Variants in CCDC88A observed in about 807,000 individuals in gnomAD.
CCDC88A encodes girdin.
In CCDC88A, 54 loss-of-function variants were observed where a neutral mutation model predicts 234.3. That is an observed-to-expected ratio of 0.23 (90% CI 0.19 to 0.29). CCDC88A has a LOEUF of 0.29. CCDC88A is among the 10% of genes least tolerant of loss of function. CCDC88A has a pLI of 1.00. For synonymous variants in CCDC88A, 753 were observed against 737.8 expected (o/e 1.02, Z -0.33); for missense variants, 1,832 against 2,123.4 (o/e 0.86, Z 2.70).
In CCDC88A at chr2:55,370,131, A is replaced by G. The variant is rs563624921; in HGVS notation, c.402+2321T>C. On this transcript the variant is annotated intron_variant, in intron 5 of 32. Coordinates refer to ENST00000436346, the MANE Select transcript of CCDC88A (RefSeq NM_001365480.1). ...GTCTTAAGGGCTCTCAAGTAAAAGC[A>G]TAATTCTGCTATGACTACATGGACA... Among the ~76,000 whole-genome samples the G allele has an allele frequency of 3.3e-5, 5 of 152,336 alleles. No individual in the cohort carries two copies. In the South Asian group the frequency reaches 8.3e-4, roughly 25 times the overall value.
chr2:55,415,044 G>A (rs1681125491), intron 2 of CCDC88A, among the ~76,000 whole-genome samples: 1 of 146,084 alleles, frequency 6.8e-6, no homozygotes, highest in Non-Finnish European at 1.5e-5. Context: ...TCCCGCCTGG[G>A]CATGGAGCGA....
At chr2:55,367,525 C>CTTTTTTTTTTTTTTTTT (rs1262914627) in intron 5 of CCDC88A, among the ~76,000 whole-genome samples, 9 of 33,606 alleles carry the variant, frequency 2.7e-4, no homozygotes, top group South Asian at 1.6e-3. Flanking sequence ...GTTTTATTTC[C>CTTTTTTTTTTTTTTTTT]TTGTTTTTTT....
intron 2 of CCDC88A, among the ~76,000 whole-genome samples, chr2:55,397,752 G>C (rs1333045458): frequency 1.3e-5 from 2 of 152,064 alleles, no homozygotes; most frequent in Non-Finnish European, 2.9e-5. Flanking sequence ...ATGATATCTT[G>C]AAATGTATTC....
chr2:55,393,748 T>C (rs1320899662), intron 2 of CCDC88A, among the ~76,000 whole-genome samples: 1 of 152,180 alleles, frequency 6.6e-6, no homozygotes, highest in African/African-American at 2.4e-5. Context: ...GCATTACATT[T>C]CTATTTCTTT....
At chr2:55,383,573 A>G (rs921839470) in intron 3 of CCDC88A, among the ~76,000 whole-genome samples, 1 of 151,874 alleles carries the variant, frequency 6.6e-6, no homozygotes, top group African/African-American at 2.4e-5. Flanking sequence ...CAGTGAGTCA[A>G]GATTGTGCCA....
At chr2:55,367,187 T>C (rs964321659) in intron 5 of CCDC88A, among the ~76,000 whole-genome samples, 2 of 152,132 alleles carry the variant, frequency 1.3e-5, no homozygotes, top group Non-Finnish European at 2.9e-5. Flanking sequence ...TTATATGAGG[T>C]ACCTAGAACA....
intron 3 of CCDC88A, among the ~76,000 whole-genome samples, chr2:55,384,527 A>ATGTGTG (rs376696224): frequency 1.2e-5 from 1 of 86,548 alleles, no homozygotes; most frequent in Non-Finnish European, 2.3e-5. Flanking sequence ...AATTATATAT[A>ATGTGTG]TATACATATA....
At chr2:55,396,194 T>C (rs1677517864) in intron 2 of CCDC88A, among the ~76,000 whole-genome samples, 1 of 152,196 alleles carries the variant, frequency 6.6e-6, no homozygotes, top group Non-Finnish European at 1.5e-5. Context: ...GCTATCATTG[T>C]GGAGAAAAGT....
rs1683086625 is a variant in CCDC88A at position 55,317,138 on chromosome 2, T to C, written c.3746+68A>G. ...TAATACATAATTTTGAAAAAACATA[T>C]ATATACACATATATATGTATATACT... On this transcript the variant is annotated intron_variant, in intron 21 of 32. Coordinates refer to ENST00000436346, the MANE Select transcript of CCDC88A (RefSeq NM_001365480.1). This position sits in a 1 kb window ranked among gnomAD's most constrained non-coding sequence, Gnocchi z 4.2. The C allele has an allele frequency of 1.7e-5, 10 of 600,038 alleles. 1 individual carries two copies. Among genetic ancestry groups the C allele is most frequent in the Non-Finnish European group, 2.2e-5 (9 of 409,402 alleles). The allele number at this position is 600,038 out of a possible 1,614,324, so 37.2% of individuals were successfully genotyped here.
At position 55,294,515 on chromosome 2, in the gene CCDC88A, A is replaced by G. The variant is rs1295792904; in HGVS notation, c.5551+1082T>C. On this transcript the variant is annotated intron_variant, in intron 31 of 32. Transcript: ENST00000436346. Reference sequence around the variant, plus strand: ...TTATTAACTATTTCTTTAAAACAGGACAGATGGCCTAATTAAATGACAAAA... The same window carrying G: ...TTATTAACTATTTCTTTAAAACAGGGCAGATGGCCTAATTAAATGACAAAA... 3.1e-6 allele frequency: 3 copies of G among 963,586 alleles called. No individual in the cohort carries two copies. In the East Asian group the frequency reaches 3.4e-4, roughly 110 times the overall value. The allele number at this position is 963,586 out of a possible 1,614,324, so 59.7% of individuals were successfully genotyped here.
At chr2:55,409,037 G>A (rs1488191459) in intron 2 of CCDC88A, among the ~76,000 whole-genome samples, 1 of 151,234 alleles carries the variant, frequency 6.6e-6, no homozygotes, top group Non-Finnish European at 1.5e-5. Flanking sequence ...TTTCTGAGCA[G>A]CTAAGCATTA....
At chr2:55,380,061 T>TAAAAAAAA (rs57314271) in intron 3 of CCDC88A, among the ~76,000 whole-genome samples, 1 of 75,368 alleles carries the variant, frequency 1.3e-5, no homozygotes, top group Non-Finnish European at 2.3e-5. Context: ...CTGTCTCTAC[T>TAAAAAAAA]AAAAAAAAAA....
In CCDC88A at chr2:55,401,434, C is replaced by CAAAAAAAA. The variant is rs1174693653; in HGVS notation, c.165-12556_165-12549dup. On this transcript the variant is annotated intron_variant, in intron 2 of 32. Transcript: ENST00000436346. ...GGATGACAGAGAAAGACTCTGTCTC[C>CAAAAAAAA]AAAAAAAAAAAAAATATATATATAT... Among the ~76,000 whole-genome samples, 79 of 45,800 alleles carry CAAAAAAAA rather than the reference C, an allele frequency of 1.7e-3. 20 individuals carry two copies. Among genetic ancestry groups the CAAAAAAAA allele is most frequent in the African/African-American group, 6.2e-3 (75 of 12,040 alleles). The allele number at this position is 45,800 out of a possible 152,430, so 30.0% of individuals were successfully genotyped here.
chr2:55,392,721 G>A (rs774543529), intron 2 of CCDC88A, among the ~76,000 whole-genome samples: 3 of 152,180 alleles, frequency 2.0e-5, no homozygotes, highest in Non-Finnish European at 4.4e-5. Context: ...GCTCTTGAAG[G>A]TCCTCTTGAA....
Position 55,297,649 on chromosome 2 carries a change from G to C in CCDC88A, c.4826-1126C>G, listed in dbSNP as rs1680358638. Among the ~76,000 whole-genome samples the C allele has an allele frequency of 2.0e-5, 3 of 151,320 alleles. No homozygotes were observed. In the Admixed American group the frequency reaches 2.0e-4, roughly 10 times the overall value. The stretch of plus-strand genomic sequence containing the variant: ...TGGTCTGTAACTCCTGACCTCAGGT[G>C]ATCTGCCCACCTCGGCCTCACAAAG... On this transcript the variant is annotated intron_variant, in intron 29 of 32. Transcript: ENST00000436346.
chr2:55,311,715 C>T (rs1297488796), intron 23 of CCDC88A, among the ~76,000 whole-genome samples: 3 of 152,172 alleles, frequency 2.0e-5, no homozygotes, highest in Admixed American at 6.5e-5. Context: ...GATGAATCAT[C>T]GGGTAGTAAT....
chr2:55,402,103 C>G (rs1678801430), intron 2 of CCDC88A, among the ~76,000 whole-genome samples: 1 of 151,912 alleles, frequency 6.6e-6, no homozygotes, highest in Admixed American at 6.6e-5. Flanking sequence ...ATTGCAGACT[C>G]CCAAAGAGCT....
intron 17 of CCDC88A, among the ~76,000 whole-genome samples, chr2:55,327,768 G>A (rs1303168810): frequency 6.6e-6 from 1 of 152,138 alleles, no homozygotes; most frequent in Non-Finnish European, 1.5e-5. Context: ...TACTTCCTTA[G>A]GGAAAATAAA....
At chr2:55,407,718 A>T (rs1309826454) in intron 2 of CCDC88A, among the ~76,000 whole-genome samples, 1 of 148,240 alleles carries the variant, frequency 6.7e-6, no homozygotes, top group Non-Finnish European at 1.5e-5. Context: ...TTTCTAGTTT[A>T]ATTTTTTTTT....
Sources: gnomAD v4.1 joint callset for allele counts (sites outside exome capture counted in the v4.1 genomes callset) on GRCh38, gnomAD v4.1.1 for gene constraint, Gnocchi (gnomAD v3.1) non-coding constraint, MANE v1.5 for transcripts, NCBI Gene and HGNC (gene_info 2026-07-23, HGNC 2026-07-21) for gene names.